DCAF1: variants seen among roughly 807,000 people sequenced by gnomAD.
DCAF1 encodes DDB1 and CUL4 associated factor 1, also known as DDB1- and CUL4-associated factor 1.
DCAF1 carries 15 observed loss-of-function variants against 128.0 expected under a neutral mutation model. The observed-to-expected ratio is 0.12, with a 90% CI of 0.08 to 0.18. The LOEUF (loss-of-function observed/expected upper bound fraction) is 0.18. Ranked by LOEUF, DCAF1 falls within the 10% of genes least tolerant of loss-of-function variation. The probability of loss-of-function intolerance (pLI) is 1.00; values close to 1 mark genes in which losing one functional copy is unlikely to be tolerated. For synonymous variants in DCAF1, 610 were observed against 603.0 expected (o/e 1.01, Z -0.17); for missense variants, 988 against 1,649.5 (o/e 0.60, Z 6.95).
At chr3:51,464,522 T>G in intron 5 of DCAF1, among the ~76,000 whole-genome samples, 1 of 151,780 alleles carries the variant, frequency 6.6e-6, no homozygotes, top group South Asian at 2.1e-4. Context: ...CAGTGAAATC[T>G]TGTCTCTACA....
chr3:51,431,274 T>C (rs553687184), intron 10 of DCAF1, among the ~76,000 whole-genome samples: 4 of 152,048 alleles, frequency 2.6e-5, no homozygotes, highest in Admixed American at 6.6e-5. Context: ...TCCCAGTACT[T>C]TGGGAGGCTG....
chr3:51,407,166 AAAAAAAAAAAAAAC>A (rs2090182491), intron 23 of DCAF1, among the ~76,000 whole-genome samples: 1 of 150,536 alleles, frequency 6.6e-6, no homozygotes, highest in South Asian at 2.1e-4. Context: ...CTCAAAAAAA[AAAAAAAAAAAAAAC>A]AACAACAAAA....
chr3:51,427,781 T>C (rs1700030527), intron 12 of DCAF1, among the ~76,000 whole-genome samples: 1 of 151,966 alleles, frequency 6.6e-6, no homozygotes, highest in South Asian at 2.1e-4. Flanking sequence ...CACAGGCACA[T>C]GCCACCACAC....
intron 5 of DCAF1, 151 bp downstream of exon 5, chr3:51,466,652 A>G: frequency 1.6e-6 from 1 of 638,942 alleles, no homozygotes. Flanking sequence ...ACCAAAGAGA[A>G]AGCATTATGG....
intron 3 of DCAF1, among the ~76,000 whole-genome samples, chr3:51,482,701 G>A (rs1422570939): frequency 8.9e-5 from 13 of 146,124 alleles, no homozygotes; most frequent in African/African-American, 3.3e-4. Flanking sequence ...GGAGGCGGAG[G>A]TTGCAGTGAG....
At chr3:51,500,366 G>A (rs1553663812), upstream of DCAF1, among the ~76,000 whole-genome samples, 1 of 152,156 alleles carries the variant, frequency 6.6e-6, no homozygotes, top group Non-Finnish European at 1.5e-5. Context: ...TACTGTAATC[G>A]CCTGATACTT....
chr3:51,490,710 A>C (rs1394335745), intron 2 of DCAF1, among the ~76,000 whole-genome samples: 3 of 151,170 alleles, frequency 2.0e-5, no homozygotes, highest in Non-Finnish European at 3.0e-5. Flanking sequence ...GGATCACCTG[A>C]GTTCAAGAGT....
At chr3:51,427,780 A>C (rs1327572759) in intron 12 of DCAF1, among the ~76,000 whole-genome samples, 1 of 151,994 alleles carries the variant, frequency 6.6e-6, no homozygotes, top group African/African-American at 2.4e-5. Context: ...CCACAGGCAC[A>C]TGCCACCACA....
chr3:51,412,044 C>T (rs1453159464), intron 23 of DCAF1, among the ~76,000 whole-genome samples: 2 of 137,396 alleles, frequency 1.5e-5, no homozygotes, highest in African/African-American at 5.6e-5. Context: ...ACCCAGGAGG[C>T]AGAGACTGCA....
intron 3 of DCAF1, among the ~76,000 whole-genome samples, chr3:51,482,834 TA>T (rs1553653451): frequency 6.6e-6 from 1 of 150,658 alleles, no homozygotes; most frequent in African/African-American, 2.4e-5. Context: ...TTTTTATTTT[TA>T]TTTTTTTAAT....
At chr3:51,462,604 G>A (rs1235468233) in intron 6 of DCAF1, among the ~76,000 whole-genome samples, 1 of 151,870 alleles carries the variant, frequency 6.6e-6, no homozygotes, top group African/African-American at 2.4e-5. Flanking sequence ...AAATTAAGTG[G>A]ACATGGTGGT....
chr3:51,485,729 G>A (rs782436507), intron 2 of DCAF1, among the ~76,000 whole-genome samples: 3 of 152,078 alleles, frequency 2.0e-5, no homozygotes, highest in Non-Finnish European at 4.4e-5. Flanking sequence ...TTATTGCATT[G>A]CATTATTGCA....
At chr3:51,490,184 G>C (rs1055930796) in intron 2 of DCAF1, among the ~76,000 whole-genome samples, 1 of 152,186 alleles carries the variant, frequency 6.6e-6, no homozygotes, top group East Asian at 1.9e-4. Context: ...AGGAGGCCAA[G>C]GTGGGTGGAT....
chr3:51,451,544 T>A (rs915404417), intron 6 of DCAF1, among the ~76,000 whole-genome samples: 1 of 152,120 alleles, frequency 6.6e-6, no homozygotes, highest in Non-Finnish European at 1.5e-5. Context: ...GTGGATCACC[T>A]GAGGTTAACA....
chr3:51,396,386 C>CTT (rs1467729219), downstream of DCAF1: 1 of 167,714 alleles, frequency 6.0e-6, no homozygotes, highest in East Asian at 1.9e-4. Context: ...CACTTCCTTC[C>CTT]TTTGGCTCTT....
rs536795347 is a variant in DCAF1, at chr3:51,444,053, C to T, written c.376-150G>A. ...TACTACTACAGCATCCAATAGGTTC[C>T]TTAGTTATATAAAGTATCTGTGCAA... On this transcript the variant is annotated intron_variant, in intron 6 of 24. Coordinates refer to ENST00000684031, the MANE Select transcript of DCAF1 (RefSeq NM_001387579.1). The T allele has an allele frequency of 6.6e-5, 41 of 618,268 alleles. No individual in the cohort carries two copies. The African/African-American group carries it at 7.1e-4, about 11-fold the overall frequency. 38.3% of individuals were successfully genotyped at this position (618,268 alleles called of 1,614,324 possible).
chr3:51,495,895 G>C (rs1282502482), intron 2 of DCAF1, among the ~76,000 whole-genome samples: 4 of 152,016 alleles, frequency 2.6e-5, no homozygotes, highest in African/African-American at 9.7e-5. Flanking sequence ...TGGGGAGGCT[G>C]AAGCAAGAGA....
intron 3 of DCAF1, among the ~76,000 whole-genome samples, 189 bp downstream of exon 3, chr3:51,483,530 T>C (rs550271819): frequency 4.6e-5 from 7 of 151,434 alleles, no homozygotes; most frequent in South Asian, 4.2e-4. Flanking sequence ...AAGAAAAAAA[T>C]TGATTTAGAA....
intron 9 of DCAF1, among the ~76,000 whole-genome samples, chr3:51,440,426 T>C (rs970835546): frequency 5.3e-5 from 8 of 151,972 alleles, no homozygotes; most frequent in African/African-American, 7.3e-5. Flanking sequence ...CTGGGCAACA[T>C]AGCAAGACTA....
Sources: gnomAD v4.1 joint callset for allele counts (sites outside exome capture counted in the v4.1 genomes callset) on GRCh38, gnomAD v4.1.1 for gene constraint, MANE v1.5 for transcripts, NCBI Gene and HGNC (gene_info 2026-07-23, HGNC 2026-07-21) for gene names.